The following TMEM232 variants were observed in gnomAD, a reference collection of about 807,000 sequenced individuals.
TMEM232 encodes the protein transmembrane protein 232.
A neutral mutation model predicts 78.8 loss-of-function variants in TMEM232; 80 were observed. That is an observed-to-expected ratio of 1.01 (90% CI 0.85 to 1.22). The LOEUF (loss-of-function observed/expected upper bound fraction) is 1.22, where lower values mean the gene tolerates loss of function less well. TMEM232 is among the 50% of genes most tolerant of loss of function. The pLI is 0.00. For synonymous variants in TMEM232, 297 were observed against 254.3 expected (o/e 1.17, Z -1.60); for missense variants, 881 against 742.2 (o/e 1.19, Z -2.17).
rs564753962 is a variant in TMEM232, at chr5:110,398,211, T to C, written n.309-357A>G. 4.6e-5 allele frequency among the ~76,000 whole-genome samples: 7 copies of C among 152,258 alleles called. No homozygotes were observed. The South Asian group carries it at 1.0e-3, about 23-fold the overall frequency. On this transcript the variant is annotated intron_variant and non_coding_transcript_variant, in intron 2 of 8. Coordinates refer to the TMEM232 transcript ENST00000507188. ...TGCATTATACAATAATTTACAAATC[T>C]GTGGAGAACGAAAAATGGGTCCACA...
chr5:110,485,423 G>A (rs545682676), intron 12 of TMEM232, among the ~76,000 whole-genome samples: 3 of 152,132 alleles, frequency 2.0e-5, no homozygotes, highest in South Asian at 2.1e-4. Context: ...ACACTGCACC[G>A]TATTTGTAGT....
chr5:110,657,762 C>A (rs1040504365), intron 2 of TMEM232, among the ~76,000 whole-genome samples: 2 of 151,798 alleles, frequency 1.3e-5, no homozygotes, highest in African/African-American at 4.8e-5. Flanking sequence ...GTTGTCACCA[C>A]GAAGAAATAA....
At chr5:110,521,639 T>C (rs55913011) in intron 12 of TMEM232, among the ~76,000 whole-genome samples, 5,812 of 152,268 alleles carry the variant, frequency 0.038, 379 homozygotes, top group African/African-American at 0.13. Flanking sequence ...TTGTGCTTGG[T>C]GTAAGAGTTC....
intron 2 of TMEM232, among the ~76,000 whole-genome samples, chr5:110,734,671 G>T (rs1798990407): frequency 6.6e-6 from 1 of 152,146 alleles, no homozygotes; most frequent in Admixed American, 6.5e-5. Context: ...CATTTACTGT[G>T]TGTGTCCCAT....
chr5:110,738,044 T>C (rs1302907609), exon 1 of TMEM232: 2 of 245,856 alleles, frequency 8.1e-6, no homozygotes, highest in Non-Finnish European at 1.6e-5. Flanking sequence ...AAAATGTCAG[T>C]TCAATCAAAA....
intron 12 of TMEM232, among the ~76,000 whole-genome samples, chr5:110,495,244 C>G (rs926052054): frequency 8.6e-5 from 13 of 151,814 alleles, no homozygotes; most frequent in African/African-American, 3.1e-4. Flanking sequence ...TGTTAACATT[C>G]TCCTTTCCTC....
chr5:110,492,280 T>C (rs1043663146), intron 12 of TMEM232, among the ~76,000 whole-genome samples: 2 of 151,784 alleles, frequency 1.3e-5, no homozygotes, highest in East Asian at 1.9e-4. Context: ...AATTACAGGG[T>C]AATCTTATAC....
chr5:110,490,119 CAAAA>C (rs1195191862), intron 12 of TMEM232, among the ~76,000 whole-genome samples: 3 of 75,610 alleles, frequency 4.0e-5, no homozygotes, highest in Non-Finnish European at 6.0e-5. Context: ...AACTCCGTTT[CAAAA>C]AGAAAGAAAG....
At chr5:110,504,056 T>G (rs1434881809) in intron 12 of TMEM232, among the ~76,000 whole-genome samples, 1 of 152,244 alleles carries the variant, frequency 6.6e-6, no homozygotes, top group Non-Finnish European at 1.5e-5. Flanking sequence ...TCAGCTAATT[T>G]GTAAGCATGG....
intron 12 of TMEM232, among the ~76,000 whole-genome samples, chr5:110,495,067 T>C (rs1010430667): frequency 4.0e-4 from 61 of 151,434 alleles, no homozygotes; most frequent in Non-Finnish European, 7.5e-4. Context: ...TTCTAAGTAT[T>C]TGTTATTTTA....
At chr5:110,480,439 CAGAG>C (rs1763734548) in intron 12 of TMEM232, among the ~76,000 whole-genome samples, 1 of 151,876 alleles carries the variant, frequency 6.6e-6, no homozygotes, top group South Asian at 2.1e-4. Flanking sequence ...AAACAATAAA[CAGAG>C]AGTTCATATT....
intron 2 of TMEM232, among the ~76,000 whole-genome samples, chr5:110,656,106 T>A (rs1789017627): frequency 6.6e-6 from 1 of 152,132 alleles, no homozygotes; most frequent in African/African-American, 2.4e-5. Flanking sequence ...AAAGGTTATG[T>A]ACAGCCAAAA....
chr5:110,415,361 T>C (rs968739615), downstream of TMEM232, among the ~76,000 whole-genome samples: 1 of 151,936 alleles, frequency 6.6e-6, no homozygotes, highest in Non-Finnish European at 1.5e-5. Flanking sequence ...CTAATTTTTT[T>C]GTATTTTTAG....
chr5:110,614,421 C>T (rs1248431095), intron 8 of TMEM232, among the ~76,000 whole-genome samples: 1 of 152,012 alleles, frequency 6.6e-6, no homozygotes, highest in Non-Finnish European at 1.5e-5. Context: ...TGTATTGTCT[C>T]TAATGCCCTA....
intron 1 of TMEM232, among the ~76,000 whole-genome samples, chr5:110,671,306 T>C (rs1384219386): frequency 6.6e-6 from 1 of 152,162 alleles, no homozygotes; most frequent in Non-Finnish European, 1.5e-5. Flanking sequence ...GGTGGGAGTG[T>C]AAATTAGGTC....
chr5:110,506,044 G>A (rs1766856944), intron 12 of TMEM232, among the ~76,000 whole-genome samples: 2 of 152,056 alleles, frequency 1.3e-5, no homozygotes, highest in African/African-American at 4.8e-5. Context: ...AATATAGAGG[G>A]TGTCTATTGC....
intron 10 of TMEM232, among the ~76,000 whole-genome samples, chr5:110,574,650 G>A (rs950368799): frequency 2.6e-5 from 4 of 152,022 alleles, no homozygotes; most frequent in East Asian, 3.9e-4. Flanking sequence ...CCCAAAAATT[G>A]TAAATTGCAA....
Position 110,500,523 on chromosome 5 carries a change from T to C in TMEM232, c.1703+28065A>G, listed in dbSNP as rs536599212. 2.0e-4 allele frequency among the ~76,000 whole-genome samples: 30 copies of C among 152,014 alleles called. No individual in the cohort carries two copies. In the South Asian group the frequency reaches 5.8e-3, roughly 29 times the overall value. ...ACTGAGTTATGATAAAAATACAACA[T>C]CTCAAAGCAGAGTTTAGAGGGAAAT... On this transcript the variant is annotated intron_variant, in intron 12 of 13. Coordinates refer to ENST00000455884, the MANE Select transcript of TMEM232 (RefSeq NM_001039763.4).
chr5:110,513,240 C>G (rs546544348), intron 12 of TMEM232, among the ~76,000 whole-genome samples: 1 of 152,216 alleles, frequency 6.6e-6, no homozygotes, highest in South Asian at 2.1e-4. Flanking sequence ...GATTCAACCT[C>G]TAAGCTTCCA....
Sources: allele counts gnomAD v4.1 joint callset (sites outside exome capture counted in the v4.1 genomes callset), GRCh38; gene constraint gnomAD v4.1.1; transcripts MANE v1.5; gene names NCBI Gene and HGNC (gene_info 2026-07-23, HGNC 2026-07-21).